The following KANSL1 variants were observed in gnomAD, a reference collection of about 807,000 sequenced individuals.
KANSL1 encodes the protein KAT8 regulatory NSL complex subunit 1, also known as MLL1/MLL complex subunit KANSL1.
In KANSL1, 22 loss-of-function variants were observed where a neutral mutation model predicts 103.6. That is an observed-to-expected ratio of 0.21 (90% CI 0.15 to 0.30). KANSL1 has a LOEUF of 0.30. KANSL1 is among the 10% of genes least tolerant of loss of function. KANSL1 has a pLI of 1.00. For synonymous variants in KANSL1, 600 were observed against 527.6 expected (o/e 1.14, Z -1.88); for missense variants, 1,337 against 1,399.8 (o/e 0.96, Z 0.72).
In KANSL1 at chr17:46,171,536, C is replaced by A. The variant is rs759522694; in HGVS notation, c.608G>T (p.Gly203Val). The A allele has an allele frequency of 8.7e-6, 14 of 1,612,436 alleles. No individual in the cohort carries two copies. The African/African-American group carries it at 1.6e-4, about 18-fold the overall frequency. The change falls in exon 2 of 15, where the codon GGG becomes GTG. Residue 203 changes from glycine to valine, a missense_variant. By Grantham distance (109) the Gly-to-Val change is moderately radical. Around this residue, in one of 2 missense-constraint regions of KANSL1, gnomAD observed 557 missense variants for 476.4 expected, o/e 1.17. Transcript: ENST00000432791. Reference protein sequence around the residue: ...MGGSESGDLKGGMTNCTLPHR... With the variant: ...MGGSESGDLKVGMTNCTLPHR... Reference sequence around the variant, plus strand: ...TGGAAGAGTGCAATTGGTCATACCCCCCTTCAAGTCCCCAGATTCAGATCC... The same window carrying A: ...TGGAAGAGTGCAATTGGTCATACCCACCTTCAAGTCCCCAGATTCAGATCC...
intron 1 of KANSL1, among the ~76,000 whole-genome samples, chr17:46,186,729 T>C (rs532512358): frequency 5.5e-4 from 84 of 152,316 alleles, no homozygotes; most frequent in African/African-American, 2.0e-3. Context: ...AGACTGGTAT[T>C]TCTTTTTTCT....
chr17:46,043,722 C>G (rs1056862466), intron 7 of KANSL1: 1 of 152,204 alleles, frequency 6.6e-6, no homozygotes, highest in Non-Finnish European at 1.5e-5. Context: ...GTCAATGACT[C>G]TTCAACTGGA....
intron 2 of KANSL1, among the ~76,000 whole-genome samples, chr17:46,106,340 G>A (rs2042564974): frequency 6.6e-6 from 1 of 152,162 alleles, no homozygotes; most frequent in Non-Finnish European, 1.5e-5. Flanking sequence ...GTACCTTTAT[G>A]AAGAAAAAGC....
At chr17:46,128,329 C>G (rs981179407) in intron 2 of KANSL1, among the ~76,000 whole-genome samples, 9 of 152,148 alleles carry the variant, frequency 5.9e-5, no homozygotes, top group Admixed American at 3.3e-4. Context: ...TCACTCGATT[C>G]AAGCATTTTT....
chr17:46,092,614 G>A (rs547260217), intron 3 of KANSL1, among the ~76,000 whole-genome samples: 71 of 150,162 alleles, frequency 4.7e-4, no homozygotes, highest in African/African-American at 1.2e-3. Context: ...GGGCACATAC[G>A]TAACATGACT....
intron 1 of KANSL1, among the ~76,000 whole-genome samples, chr17:46,208,902 G>A (rs2048067553): frequency 6.6e-6 from 1 of 151,872 alleles, no homozygotes; most frequent in African/African-American, 2.4e-5. Flanking sequence ...CGGGCGCAGT[G>A]GCTCACGCCT....
intron 2 of KANSL1, among the ~76,000 whole-genome samples, chr17:46,130,194 A>G (rs2043790127): frequency 6.6e-6 from 1 of 150,456 alleles, no homozygotes; most frequent in Non-Finnish European, 1.5e-5. Flanking sequence ...CTCCAAAAAA[A>G]AAAAAAAAAA....
chr17:46,087,783 T>C (rs1252316242), intron 3 of KANSL1, among the ~76,000 whole-genome samples: 2 of 152,208 alleles, frequency 1.3e-5, no homozygotes, highest in African/African-American at 4.8e-5. Context: ...GTATACAATG[T>C]TTCATATGCC....
rs542219753 is a variant in KANSL1 at position 46,143,420 on chromosome 17, C to T, written c.1289+27435G>A. Among the ~76,000 whole-genome samples, 9 of 152,086 alleles carry T rather than the reference C, an allele frequency of 5.9e-5. No homozygotes were observed. The South Asian group carries it at 1.5e-3, about 25-fold the overall frequency. Reference sequence around the variant, plus strand: ...GAGGCAGGAAAATCGCTTGAACCCGCGAGACAGAGGTTGCAGTGAGCTGAG... The same window carrying T: ...GAGGCAGGAAAATCGCTTGAACCCGTGAGACAGAGGTTGCAGTGAGCTGAG... On this transcript the variant is annotated intron_variant, in intron 2 of 14. Transcript: ENST00000432791.
chr17:46,092,522 TG>T (rs2079437009), intron 3 of KANSL1, among the ~76,000 whole-genome samples: 1 of 152,166 alleles, frequency 6.6e-6, no homozygotes, highest in South Asian at 2.1e-4. Context: ...AAATAACAAA[TG>T]TAACTTAAAT....
rs55881134 is a variant in KANSL1 at position 46,031,882 on chromosome 17, G to A, written c.3090+165C>T. On this transcript the variant is annotated intron_variant, in intron 14 of 14. Transcript: ENST00000432791. The stretch of plus-strand genomic sequence containing the variant: ...AGACAACTGTATTGATCATTTAGCA[G>A]TGATCAATACAGTTCCACTGAACGT... 196,132 of 1,085,086 alleles carry A rather than the reference G, an allele frequency of 0.18. 20,587 individuals carry two copies. The highest frequency in any genetic ancestry group is 0.22 in the Non-Finnish European group (164,180 of 748,128). The allele number at this position is 1,085,086 out of a possible 1,614,324, so 67.2% of individuals were successfully genotyped here.
At chr17:46,200,635 G>A (rs755038540) in intron 1 of KANSL1, among the ~76,000 whole-genome samples, 4 of 152,128 alleles carry the variant, frequency 2.6e-5, no homozygotes, top group Non-Finnish European at 5.9e-5. Flanking sequence ...CCAGCTACTC[G>A]GGAGGCTGAG....
At chr17:46,163,982 C>A (rs558136882) in intron 2 of KANSL1, among the ~76,000 whole-genome samples, 1 of 152,232 alleles carries the variant, frequency 6.6e-6, no homozygotes, top group Non-Finnish European at 1.5e-5. Flanking sequence ...AAATCTTTGC[C>A]AACCTTCAAG....
intron 2 of KANSL1, among the ~76,000 whole-genome samples, chr17:46,145,276 C>T (rs2044640049): frequency 6.6e-6 from 1 of 152,252 alleles, no homozygotes; most frequent in Non-Finnish European, 1.5e-5. Flanking sequence ...CCAACTCACT[C>T]TCTATGGGCC....
intron 1 of KANSL1, among the ~76,000 whole-genome samples, chr17:46,175,174 G>T (rs2046458717): frequency 6.6e-6 from 1 of 152,136 alleles, no homozygotes; most frequent in South Asian, 2.1e-4. Context: ...CAGGATGGTA[G>T]GCCCTACAGG....
intron 1 of KANSL1, among the ~76,000 whole-genome samples, chr17:46,206,757 C>T (rs1298866998): frequency 6.6e-6 from 1 of 152,222 alleles, no homozygotes; most frequent in Non-Finnish European, 1.5e-5. Flanking sequence ...AGCTAATCTT[C>T]ATTTCATTTG....
chr17:46,119,172 CTA>C (rs2043170808), intron 2 of KANSL1, among the ~76,000 whole-genome samples: 1 of 152,208 alleles, frequency 6.6e-6, no homozygotes, highest in Non-Finnish European at 1.5e-5. Context: ...TATAACAACT[CTA>C]TGAAACGGTG....
chr17:46,125,046 AG>A (rs1469460364), intron 2 of KANSL1, among the ~76,000 whole-genome samples: 2 of 59,456 alleles, frequency 3.4e-5, no homozygotes, highest in African/African-American at 6.3e-5. Flanking sequence ...GGAGGGAGGG[AG>A]GAGGGAGGGA....
intron 2 of KANSL1, among the ~76,000 whole-genome samples, chr17:46,161,049 A>G (rs1401862546): frequency 6.6e-6 from 1 of 152,182 alleles, no homozygotes; most frequent in Non-Finnish European, 1.5e-5. Context: ...AAAACAATTC[A>G]ACAAATGTGG....
Sources: allele counts gnomAD v4.1 joint callset (sites outside exome capture counted in the v4.1 genomes callset), GRCh38; gene constraint gnomAD v4.1.1; regional missense constraint gnomAD v4.1.1; transcripts MANE v1.5; gene names NCBI Gene and HGNC (gene_info 2026-07-23, HGNC 2026-07-21).